Variants in SRCAP observed in about 807,000 individuals in gnomAD.
The protein encoded by SRCAP is Snf2 related CREBBP activator protein, also known as chromatin remodeling protein SRCAP.
Under a neutral mutation model 263.1 loss-of-function variants are expected in SRCAP, and 46 were observed. The observed-to-expected ratio is 0.17, with a 90% confidence interval of 0.14 to 0.22. SRCAP has a LOEUF of 0.22. Ranked by LOEUF, SRCAP falls within the 10% of genes least tolerant of loss-of-function variation. The pLI, the probability that SRCAP is intolerant of heterozygous loss-of-function variation, is 1.00. For missense variants in SRCAP, 3,695 were observed against 4,181.9 expected, an observed-to-expected ratio of 0.88 and a Z score of 3.21; for synonymous variants, 1,813 against 1,662.1, an observed-to-expected ratio of 1.09 and a Z score of -2.21.
Position 30,732,863 on chromosome 16 carries a change from C to T in SRCAP, c.6128-417C>T, listed in dbSNP as rs545087202. Among the ~76,000 whole-genome samples, 8 of 152,210 alleles carry T rather than the reference C, an allele frequency of 5.3e-5. No individual in the cohort carries two copies. The South Asian group carries it at 1.2e-3, about 24-fold the overall frequency. ...ATAGATATTTTTTGTGACAGGGTCT[C>T]GCTTTGTTGCCCAGGCTGAAGTGCA... is the stretch of plus-strand genomic sequence containing the variant. On this transcript the variant is annotated intron_variant, in intron 27 of 33. Coordinates refer to ENST00000262518, the MANE Select transcript of SRCAP (RefSeq NM_006662.3).
chr16:30,724,790 C>G lies in SRCAP; in HGVS notation c.5366C>G (p.Thr1789Ser). 1 of 1,613,580 alleles carries G rather than the reference C, an allele frequency of 6.2e-7. No individual in the cohort carries two copies. The highest frequency in any genetic ancestry group is 8.5e-7 in the Non-Finnish European group (1 of 1,179,700). The change falls in exon 25 of 34, where the codon ACC becomes AGC. Residue 1789 changes from threonine to serine, a missense_variant. By Grantham distance (58) the Thr-to-Ser change is moderately conservative. This residue lies in a region of SRCAP where 1,347 missense variants were observed against 1,304.4 expected (regional missense o/e 1.03). Coordinates refer to ENST00000262518, the MANE Select transcript of SRCAP (RefSeq NM_006662.3). ...LLAPASVQTL[T>S]LSPAPVPTLG... ...GCCCCAGCTTCAGTGCAGACACTGA[C>G]CTTGAGCCCTGCCCCAGTTCCTACC...
chr16:30,733,525 C>G lies in SRCAP; in HGVS notation c.6297+76C>G. 6.2e-7 allele frequency: 1 copy of G among 1,604,672 alleles called. No homozygotes were observed. Among genetic ancestry groups the G allele is most frequent in the Non-Finnish European group, 8.5e-7 (1 of 1,174,164 alleles). On this transcript the variant is annotated intron_variant, in intron 28 of 33. Coordinates refer to ENST00000262518, the MANE Select transcript of SRCAP (RefSeq NM_006662.3). The surrounding 1 kb of genome is among the most constrained non-coding windows in gnomAD (Gnocchi z 5.3). ...TTTTCCCAGGATTTGGGCTTCCAGA[C>G]GGGGTGCCACTAAGCCTTTAGACCT... is the stretch of plus-strand genomic sequence containing the variant.
At chr16:30,703,431 T>A (rs2052791184) in intron 3 of SRCAP, among the ~76,000 whole-genome samples, 1 of 150,560 alleles carries the variant, frequency 6.6e-6, no homozygotes, top group Non-Finnish European at 1.5e-5. Flanking sequence ...TGACCTCAGG[T>A]GATCCACCCA....
chr16:30,729,847 C>T lies in SRCAP; in HGVS notation c.6127+275C>T, dbSNP rs935216411. ...GCAGTGCAGTGGTGCAGTCTCAGCT[C>T]ACTGCAGCCTCCCAGGTTCAAGTGG... is the stretch of plus-strand genomic sequence containing the variant. On this transcript the variant is annotated intron_variant, in intron 27 of 33. Transcript: ENST00000262518. Among the ~76,000 whole-genome samples the T allele has an allele frequency of 3.9e-5, 6 of 152,294 alleles. No homozygotes were observed. In the South Asian group the frequency reaches 6.2e-4, roughly 16 times the overall value.
chr16:30,725,242 C>G, intron 25 of SRCAP, 160 bp downstream of exon 25: 1 of 1,382,188 alleles, frequency 7.2e-7, no homozygotes, highest in African/African-American at 1.5e-5. Context: ...CTTCTCTTCC[C>G]TGGGCGTGTA....
chr16:30,722,732 G>A lies in SRCAP; in HGVS notation c.3876G>A (p.Pro1292=), dbSNP rs572583283. Residue 1292 remains proline, a synonymous_variant, in exon 23 of 34, where the codon CCG becomes CCA. Transcript: ENST00000262518. ...TTPAPTGLSL[P]LAANQVPPTM... is the part of the protein sequence containing the mutation. Reference sequence around the variant, plus strand: ...CTGCCCCTACTGGCCTCAGCCTTCCGCTTGCTGCTAACCAGGGTGAGGCTC... The same window carrying A: ...CTGCCCCTACTGGCCTCAGCCTTCCACTTGCTGCTAACCAGGGTGAGGCTC... 1.9e-5 allele frequency: 31 copies of A among 1,611,520 alleles called. No individual in the cohort carries two copies. Among genetic ancestry groups the A allele is most frequent in the South Asian group, 5.5e-5 (5 of 90,892 alleles).
In SRCAP at chr16:30,724,391, C is replaced by T; in HGVS notation, c.4967C>T (p.Ala1656Val). 1.2e-6 allele frequency: 2 copies of T among 1,614,186 alleles called. No individual in the cohort carries two copies. Among genetic ancestry groups the T allele is most frequent in the Non-Finnish European group, 1.7e-6 (2 of 1,180,026 alleles). ...GTACCAGCTCCAACCCCTGTGTTGG[C>T]TCCATCATCAACTCAAACTATGCTA... ...SPVPAPTPVL[A>V]PSSTQTMLPA... Residue 1656 changes from alanine to valine, a missense_variant, in exon 25 of 34, where the codon GCT (alanine) becomes GTT (valine). Ala to Val is a moderately conservative substitution (Grantham distance 64). Transcript: ENST00000262518.
chr16:30,738,952 A>C lies in SRCAP; in HGVS notation c.8912A>C (p.His2971Pro), dbSNP rs138363895. Residue 2971 changes from histidine to proline, a missense_variant, in exon 34 of 34, where the codon CAC becomes CCC. Around this residue, in one of 12 missense-constraint regions of SRCAP, gnomAD observed 1,207 missense variants for 1,142.9 expected, o/e 1.06. Transcript: ENST00000262518. ...GAAAGTCGGACACAGCCACCCCCAC[A>C]CCCATCACCCCTAACCCCACTCCCA... ...NSESRTQPPP[H>P]PSPLTPLPPL... 6 of 1,613,372 alleles carry C rather than the reference A, an allele frequency of 3.7e-6. No individual in the cohort carries two copies. The East Asian group carries it at 1.3e-4, about 36-fold the overall frequency.
At chr16:30,715,852 C>T (rs2052943416) in intron 16 of SRCAP, among the ~76,000 whole-genome samples, 1 of 152,184 alleles carries the variant, frequency 6.6e-6, no homozygotes, top group South Asian at 2.1e-4. Context: ...GCCCACAGTG[C>T]TTCCTTATAT....
intron 27 of SRCAP, among the ~76,000 whole-genome samples, chr16:30,730,890 G>A (rs553766488): frequency 2.6e-4 from 39 of 152,128 alleles, no homozygotes; most frequent in South Asian, 1.0e-3. Flanking sequence ...GGCTGGTCTC[G>A]AACTCCTGAC....
intron 3 of SRCAP, 114 bp downstream of exon 3, chr16:30,700,992 C>G (rs2052759419): frequency 8.5e-6 from 9 of 1,059,656 alleles, no homozygotes; most frequent in African/African-American, 3.1e-5. Context: ...ATCTTTGGTG[C>G]TCGGGGGCTG....
At position 30,720,700 on chromosome 16, in the gene SRCAP, T is replaced by C. The variant is rs1198928822; in HGVS notation, c.2988-13T>C. The C allele has an allele frequency of 2.5e-6, 4 of 1,579,724 alleles. No homozygotes were observed. The highest frequency in any genetic ancestry group is 3.6e-5 in the Admixed American group (2 of 55,512). ...CTTCTGTCCCTACCCACTCTCTTAA[T>C]TTTTTCTCACAGGATGCTGCAGCCA... On this transcript the variant is annotated splice_polypyrimidine_tract_variant and intron_variant, in intron 19 of 33. Coordinates refer to ENST00000262518, the MANE Select transcript of SRCAP (RefSeq NM_006662.3).
At chr16:30,701,206 A>G (rs777805550) in intron 3 of SRCAP, 114 of 260,686 alleles carry the variant, frequency 4.4e-4, no homozygotes, top group Non-Finnish European at 5.3e-4. Flanking sequence ...GGATAAGCCT[A>G]TGGATGGTGT....
rs1218592750 is a variant in SRCAP at position 30,741,115 on chromosome 16, T to G, written c.*1382T>G. 1 of 152,272 alleles carries G rather than the reference T, an allele frequency of 6.6e-6. No individual in the cohort carries two copies. Among genetic ancestry groups the G allele is most frequent in the Non-Finnish European group, 1.5e-5 (1 of 68,096 alleles). 9.4% of individuals were successfully genotyped at this position (152,272 alleles called of 1,614,324 possible). On this transcript the variant is annotated 3_prime_UTR_variant, in exon 34 of 34. Coordinates refer to ENST00000262518, the MANE Select transcript of SRCAP (RefSeq NM_006662.3). ...TTGTGTTATGTGGCCTGGGTTAAATTGGAGAGAGGAGGTGGCAGGGAGGCA... is the reference window on the plus strand; with the variant it reads ...TTGTGTTATGTGGCCTGGGTTAAATGGGAGAGAGGAGGTGGCAGGGAGGCA...
rs888603794 is a variant in SRCAP, at chr16:30,712,897, CTCCT to C, written c.2130+83_2130+86del. The stretch of plus-strand genomic sequence containing the variant: ...CCTTTCCTCAGGTGAATTCCTTTCT[CTCCT>C]CTTTCTTTTTTAAAAAAAATTTTTT... On this transcript the variant is annotated intron_variant, in intron 14 of 33. Coordinates refer to ENST00000262518, the MANE Select transcript of SRCAP (RefSeq NM_006662.3). The C allele has an allele frequency of 4.6e-6, 7 of 1,513,622 alleles. No homozygotes were observed. The East Asian group carries it at 6.9e-5, about 15-fold the overall frequency. 93.8% of individuals were successfully genotyped at this position (1,513,622 alleles called of 1,614,324 possible).
Position 30,737,407 on chromosome 16 carries a change from C to G in SRCAP, c.7367C>G (p.Ala2456Gly), listed in dbSNP as rs1297672059. 1 of 1,608,680 alleles carries G rather than the reference C, an allele frequency of 6.2e-7. No homozygotes were observed. The highest frequency in any genetic ancestry group is 8.5e-7 in the Non-Finnish European group (1 of 1,177,732). ...GCTTCAGCTCCGGCTGCAATTCCTG[C>G]CCTTGTTCCTGTCCCAGTTTCTGCC... Reference protein sequence around the residue: ...TPASAPAAIPALVPVPVSAPV... With the variant: ...TPASAPAAIPGLVPVPVSAPV... Residue 2456 changes from alanine (A) to glycine (G), a missense_variant, in exon 34 of 34, where the codon GCC (alanine) becomes GGC (glycine). Ala to Gly is a moderately conservative substitution (Grantham distance 60). Transcript: ENST00000262518.
chr16:30,714,108 A>C, intron 16 of SRCAP, among the ~76,000 whole-genome samples: 1 of 143,980 alleles, frequency 6.9e-6, no homozygotes, highest in African/African-American at 2.6e-5. Flanking sequence ...TCTGTCGCCC[A>C]GGCTGGAGTG....
chr16:30,709,138 A>C (rs1259938414), intron 6 of SRCAP, among the ~76,000 whole-genome samples: 4 of 151,820 alleles, frequency 2.6e-5, no homozygotes, highest in Non-Finnish European at 5.9e-5. Context: ...ATTTTTTGAG[A>C]CCCAGTTCCA....
rs761470627 is a variant in SRCAP at position 30,724,940 on chromosome 16, C to G, written c.5516C>G (p.Ser1839Cys). ...GCTCCCTTGCCTGTCACCATGGTAT[C>G]CCGGCTGCCTGTTTCCAAGGATGAG... ...GAAPLPVTMV[S>C]RLPVSKDEPD... is the part of the protein sequence containing the mutation. The change falls in exon 25 of 34, where the codon TCC (serine) becomes TGC (cysteine). Residue 1839 changes from serine to cysteine, a missense_variant. Ser to Cys is a moderately radical substitution (Grantham distance 112). This residue lies in a region of SRCAP where 1,347 missense variants were observed against 1,304.4 expected (regional missense o/e 1.03). Transcript: ENST00000262518. The G allele has an allele frequency of 6.2e-7, 1 of 1,614,218 alleles. No homozygotes were observed. The highest frequency in any genetic ancestry group is 8.5e-7 in the Non-Finnish European group (1 of 1,180,048).
Sources: allele counts gnomAD v4.1 joint callset (sites outside exome capture counted in the v4.1 genomes callset), GRCh38; gene constraint gnomAD v4.1.1; regional missense constraint gnomAD v4.1.1; non-coding constraint Gnocchi (gnomAD v3.1); transcripts MANE v1.5; gene names NCBI Gene and HGNC (gene_info 2026-07-23, HGNC 2026-07-21).